The following INTS2 variants were observed in gnomAD, a reference collection of about 807,000 sequenced individuals.
The protein encoded by INTS2 is KIAA1287.
A neutral mutation model predicts 139.6 loss-of-function variants in INTS2; 57 were observed. The observed-to-expected ratio is 0.41, with a 90% CI of 0.33 to 0.51. The LOEUF (loss-of-function observed/expected upper bound fraction) is 0.51, where lower values mean the gene tolerates loss of function less well. Among genes scored for constraint, INTS2 ranks in the 20% least tolerant of loss-of-function variants. INTS2 has a pLI of 0.28. For missense variants in INTS2, 1,196 were observed against 1,436.7 expected, an observed-to-expected ratio of 0.83 and a Z score of 2.71; for synonymous variants, 473 against 493.4, an observed-to-expected ratio of 0.96 and a Z score of 0.55.
In INTS2 at chr17:61,885,050, A is replaced by T. The variant is rs1234056416; in HGVS notation, c.1985-45T>A. 3.0e-6 allele frequency: 4 copies of T among 1,325,702 alleles called. No individual in the cohort carries two copies. In the Middle Eastern group the frequency reaches 5.6e-4, roughly 186 times the overall value. The allele number at this position is 1,325,702 out of a possible 1,614,324, so 82.1% of individuals were successfully genotyped here. On this transcript the variant is annotated intron_variant, in intron 15 of 24. Coordinates refer to ENST00000251334, the MANE Select transcript of INTS2 (RefSeq NM_001351695.2). ...TAAAATAAATAAAATGTCCAGAAAC[A>T]ACAGAAATCTTAACCTTCAACCCAA...
At position 61,867,981 on chromosome 17, in the gene INTS2, A is replaced by G. The variant is rs746989028; in HGVS notation, c.3273T>C (p.Phe1091=). Residue 1091 remains phenylalanine, a synonymous_variant, in exon 24 of 25, where the codon TTT becomes TTC. Transcript: ENST00000251334. The surrounding 1 kb of genome is among the most constrained non-coding windows in gnomAD (Gnocchi z 5.6). The part of the protein sequence containing the change: ...TVLTQAKRYA[F]FMPTLPSLVS... ...CCAAACTTGGCAGAGTTGGCATAAA[A>G]AAAGCATACCGCTTAGCCTGTGTTA... is the stretch of plus-strand genomic sequence containing the variant. 1 of 1,603,044 alleles carries G rather than the reference A, an allele frequency of 6.2e-7. No individual in the cohort carries two copies.
At position 61,897,430 on chromosome 17, in the gene INTS2, C is replaced by T; in HGVS notation, c.1494+39G>A. 1.6e-6 allele frequency: 2 copies of T among 1,216,364 alleles called. No individual in the cohort carries two copies. The highest frequency in any genetic ancestry group is 2.3e-6 in the Non-Finnish European group (2 of 866,268). 75.3% of individuals were successfully genotyped at this position (1,216,364 alleles called of 1,614,324 possible). ...TACAACAAAATGTCCAGCTTAGAAA[C>T]ACCTTTTTTTTTTTAGAAAGAAGTT... On this transcript the variant is annotated intron_variant, in intron 11 of 24. Transcript: ENST00000251334. This position sits in a 1 kb window ranked among gnomAD's most constrained non-coding sequence, Gnocchi z 4.4.
In INTS2 at chr17:61,907,697, C is replaced by T. The variant is rs1387350259; in HGVS notation, c.955-63G>A. ...AAGCATTTACTAAACTAAAAGGGAGCTAAAACATAGCACCCCACTTAAACA... is the reference window on the plus strand; with the variant it reads ...AAGCATTTACTAAACTAAAAGGGAGTTAAAACATAGCACCCCACTTAAACA... On this transcript the variant is annotated intron_variant, in intron 7 of 24. Transcript: ENST00000251334. 8.4e-6 allele frequency: 11 copies of T among 1,313,724 alleles called. No individual in the cohort carries two copies. In the East Asian group the frequency reaches 2.0e-4, roughly 24 times the overall value. The allele number at this position is 1,313,724 out of a possible 1,614,324, so 81.4% of individuals were successfully genotyped here.
At chr17:61,922,603 A>C (rs542754839) in intron 3 of INTS2, among the ~76,000 whole-genome samples, 9 of 147,618 alleles carry the variant, frequency 6.1e-5, no homozygotes, top group African/African-American at 2.0e-4. Context: ...TTAGATAACA[A>C]AATCTACTAA....
At chr17:61,878,619 T>C (rs2079146879) in intron 17 of INTS2, among the ~76,000 whole-genome samples, 1 of 148,810 alleles carries the variant, frequency 6.7e-6, no homozygotes, top group Non-Finnish European at 1.5e-5. Flanking sequence ...TAGTTGTTCT[T>C]TCATAAAGAA....
rs2079499181 is a variant in INTS2, at chr17:61,909,351, C to T, written c.955-1717G>A. Among the ~76,000 whole-genome samples, 2 of 152,142 alleles carry T rather than the reference C, an allele frequency of 1.3e-5. No individual in the cohort carries two copies. Among genetic ancestry groups the T allele is most frequent in the South Asian group, 2.1e-4 (1 of 4,828 alleles). ...GTCTCCCTCTCTTGACCTTGTGATC[C>T]GCCCGCCTCAGCCTCCCAAAGTGCT... On this transcript the variant is annotated intron_variant, in intron 7 of 24. Coordinates refer to ENST00000251334, the MANE Select transcript of INTS2 (RefSeq NM_001351695.2). This position sits in a 1 kb window ranked among gnomAD's most constrained non-coding sequence, Gnocchi z 4.9.
chr17:61,922,875 C>CCAGG, intron 3 of INTS2, among the ~76,000 whole-genome samples: 1 of 151,556 alleles, frequency 6.6e-6, no homozygotes, highest in South Asian at 2.1e-4. Flanking sequence ...GTCAGGAGTT[C>CCAGG]GAGACCAGCC....
intron 5 of INTS2, among the ~76,000 whole-genome samples, chr17:61,914,730 TG>T (rs1276219017): frequency 4.8e-5 from 7 of 146,510 alleles, no homozygotes; most frequent in African/African-American, 1.8e-4. Context: ...AAAAATTATC[TG>T]GGCCCAGTGG....
rs554111062 is a variant in INTS2, at chr17:61,924,943, T to C, written c.432+18A>G. 1.2e-6 allele frequency: 2 copies of C among 1,608,138 alleles called. No homozygotes were observed. The highest frequency in any genetic ancestry group is 1.1e-5 in the South Asian group (1 of 89,950). On this transcript the variant is annotated intron_variant, in intron 3 of 24. Coordinates refer to ENST00000251334, the MANE Select transcript of INTS2 (RefSeq NM_001351695.2). ...ATCAAATCATGCATACTTTGAGCTG[T>C]GGTTAAAAGAAATGCACCTTGTTCA...
Position 61,897,743 on chromosome 17 carries a change from T to C in INTS2, c.1308-4A>G, listed in dbSNP as rs1246328128. On this transcript the variant is annotated splice_region_variant and splice_polypyrimidine_tract_variant and intron_variant, in intron 9 of 24. Transcript: ENST00000251334. This position sits in a 1 kb window ranked among gnomAD's most constrained non-coding sequence, Gnocchi z 4.4. ...CAGCTGCTCCTGTTCAGGTGTACTA[T>C]ATAAAATATACCAGAATGTCACTGG... 1.0e-5 allele frequency: 16 copies of C among 1,587,960 alleles called. No homozygotes were observed. The highest frequency in any genetic ancestry group is 1.4e-5 in the Non-Finnish European group (16 of 1,161,578).
In INTS2 at chr17:61,876,233, T is replaced by C. The variant is rs1346705037; in HGVS notation, c.2457-1195A>G. Among the ~76,000 whole-genome samples, 1 of 152,142 alleles carries C rather than the reference T, an allele frequency of 6.6e-6. No individual in the cohort carries two copies. Among genetic ancestry groups the C allele is most frequent in the Non-Finnish European group, 1.5e-5 (1 of 68,022 alleles). On this transcript the variant is annotated intron_variant, in intron 18 of 24. Transcript: ENST00000251334. The surrounding 1 kb of genome is among the most constrained non-coding windows in gnomAD (Gnocchi z 4.1). ...TAGAATTCCACACTTAGGCTAAATATCAGTCACATATGAGAATAATTCAGC... is the reference window on the plus strand; with the variant it reads ...TAGAATTCCACACTTAGGCTAAATACCAGTCACATATGAGAATAATTCAGC...
chr17:61,905,886 A>G lies in INTS2; in HGVS notation c.1182-1301T>C, dbSNP rs1334410818. Reference sequence around the variant, plus strand: ...CTAATTTTGTATTTTTAGTAGAGACAGGGTTTCTCCATGTTGGTCAGGCTG... The same window carrying G: ...CTAATTTTGTATTTTTAGTAGAGACGGGGTTTCTCCATGTTGGTCAGGCTG... On this transcript the variant is annotated intron_variant, in intron 8 of 24. Transcript: ENST00000251334. 3.9e-5 allele frequency among the ~76,000 whole-genome samples: 6 copies of G among 152,014 alleles called. No homozygotes were observed. The East Asian group carries it at 9.7e-4, about 25-fold the overall frequency.
At chr17:61,880,881 T>G in intron 17 of INTS2, 126 bp downstream of exon 17, 1 of 761,894 alleles carries the variant, frequency 1.3e-6, no homozygotes, top group South Asian at 1.9e-5. Flanking sequence ...TTTATATACT[T>G]AAAATACATT....
chr17:61,895,633 T>C (rs2079339517), intron 11 of INTS2, among the ~76,000 whole-genome samples: 1 of 152,186 alleles, frequency 6.6e-6, no homozygotes, highest in Admixed American at 6.5e-5. Context: ...GATTATTTAC[T>C]ACATGGAGCT....
intron 15 of INTS2, among the ~76,000 whole-genome samples, chr17:61,886,121 G>T (rs2079226552): frequency 6.6e-6 from 1 of 151,960 alleles, no homozygotes; most frequent in Non-Finnish European, 1.5e-5. Flanking sequence ...TTCAATCTTG[G>T]CTCACTGCAA....
chr17:61,919,392 A>AT lies in INTS2; in HGVS notation c.649+7dup, dbSNP rs745722944. 2.0e-5 allele frequency: 28 copies of AT among 1,405,812 alleles called. No individual in the cohort carries two copies. Among genetic ancestry groups the AT allele is most frequent in the Non-Finnish European group, 2.6e-5 (26 of 1,005,816 alleles). The allele number at this position is 1,405,812 out of a possible 1,614,324, so 87.1% of individuals were successfully genotyped here. On this transcript the variant is annotated splice_region_variant and intron_variant, in intron 5 of 24. Transcript: ENST00000251334. ...CTTTTCAATATACCATATTAGAATC[A>AT]TATTTACCTTCATTAAAACTATCAG...
intron 18 of INTS2, among the ~76,000 whole-genome samples, chr17:61,877,338 C>T (rs895222342): frequency 7.2e-5 from 11 of 152,230 alleles, no homozygotes; most frequent in African/African-American, 2.4e-4. Context: ...CTATTTATAG[C>T]CCAGTATTCT....
chr17:61,902,895 G>C (rs1441291943), intron 9 of INTS2, among the ~76,000 whole-genome samples: 1 of 150,268 alleles, frequency 6.7e-6, no homozygotes, highest in Admixed American at 6.6e-5. Flanking sequence ...GGCTGGGCAC[G>C]GTGGCTCACG....
intron 5 of INTS2, among the ~76,000 whole-genome samples, chr17:61,915,341 A>AAAATAAATAAAT (rs58856021): frequency 0.036 from 5,089 of 141,354 alleles, 367 homozygotes; most frequent in African/African-American, 0.13. Flanking sequence ...CCGTCTCAAA[A>AAAATAAATAAAT]AAATAAATAA....
Sources: allele counts gnomAD v4.1 joint callset (sites outside exome capture counted in the v4.1 genomes callset), GRCh38; gene constraint gnomAD v4.1.1; non-coding constraint Gnocchi (gnomAD v3.1); transcripts MANE v1.5; gene names NCBI Gene and HGNC (gene_info 2026-07-23, HGNC 2026-07-21).